NEO1: variants seen among roughly 807,000 people sequenced by gnomAD.
NEO1 encodes neogenin 1.
Under a neutral mutation model 159.7 loss-of-function variants are expected in NEO1, and 63 were observed. The ratio of observed to expected loss-of-function variants is 0.39; its 90% CI spans 0.32 to 0.49. NEO1 has a LOEUF of 0.49. Among genes scored for constraint, NEO1 ranks in the 20% least tolerant of loss-of-function variants. The probability of loss-of-function intolerance (pLI) is 0.85; values close to 1 mark genes in which losing one functional copy is unlikely to be tolerated. For missense variants in NEO1, 1,615 were observed against 1,831.0 expected, an observed-to-expected ratio of 0.88 and a Z score of 2.15; for synonymous variants, 633 against 662.0, an observed-to-expected ratio of 0.96 and a Z score of 0.67.
chr15:73,273,440 T>C (rs1220249340), intron 19 of NEO1, among the ~76,000 whole-genome samples: 1 of 152,222 alleles, frequency 6.6e-6, no homozygotes, highest in Non-Finnish European at 1.5e-5. Flanking sequence ...TGACTTGGAT[T>C]ACATTTTACT....
chr15:73,244,498 G>A lies in NEO1; in HGVS notation c.1606G>A (p.Val536Ile). The change falls in exon 9 of 29, where the codon GTT becomes ATT. Residue 536 changes from valine (V) to isoleucine (I), a missense_variant and splice_region_variant. By Grantham distance (29) the Val-to-Ile change is conservative. Around this residue, in one of 3 missense-constraint regions of NEO1, gnomAD observed 1,018 missense variants for 1,115.4 expected, o/e 0.91. Transcript: ENST00000261908. ...APLRVETQPE[V>I]QLPGPAPNLR... Reference sequence around the variant, plus strand: ...ACTGCGAGTAGAAACACAACCTGAGGGTAAGTCTTCCACCTGTCTGTCAGC... The same window carrying A: ...ACTGCGAGTAGAAACACAACCTGAGAGTAAGTCTTCCACCTGTCTGTCAGC... The A allele has an allele frequency of 6.2e-7, 1 of 1,613,010 alleles. No homozygotes were observed. Among genetic ancestry groups the A allele is most frequent in the Non-Finnish European group, 8.5e-7 (1 of 1,179,386 alleles).
In NEO1 at chr15:73,298,589, C is replaced by T; in HGVS notation, c.4143C>T (p.Ser1381=). The part of the protein sequence containing the change: ...GPPTYDPALP[S]TPLLSQQALN... Reference sequence around the variant, plus strand: ...CCACCTATGATCCTGCATTGCCAAGCACACCATTACTGTCCCAGCAAGGTG... The same window carrying T: ...CCACCTATGATCCTGCATTGCCAAGTACACCATTACTGTCCCAGCAAGGTG... The change falls in exon 27 of 29, where the codon AGC becomes AGT. Residue 1381 remains serine, a synonymous_variant. Coordinates refer to ENST00000261908, the MANE Select transcript of NEO1 (RefSeq NM_002499.4). 3.1e-6 allele frequency: 5 copies of T among 1,614,218 alleles called. No individual in the cohort carries two copies. The South Asian group carries it at 5.5e-5, about 18-fold the overall frequency.
intron 1 of NEO1, among the ~76,000 whole-genome samples, chr15:73,069,752 G>A (rs1488058664): frequency 6.6e-6 from 1 of 151,998 alleles, no homozygotes; most frequent in East Asian, 1.9e-4. Context: ...AGGATAGTAT[G>A]GATTTTATGG....
intron 7 of NEO1, among the ~76,000 whole-genome samples, chr15:73,207,556 T>C (rs998027230): frequency 2.6e-5 from 4 of 152,238 alleles, no homozygotes; most frequent in Non-Finnish European, 5.9e-5. Flanking sequence ...AAGAAAACTC[T>C]TAACTTTTAA....
At chr15:73,059,649 G>C (rs898711005) in intron 1 of NEO1, among the ~76,000 whole-genome samples, 2 of 152,126 alleles carry the variant, frequency 1.3e-5, no homozygotes, top group African/African-American at 4.8e-5. Flanking sequence ...TACTGCTGTA[G>C]GTAGAAAAAT....
intron 5 of NEO1, among the ~76,000 whole-genome samples, chr15:73,166,246 AC>A (rs1442501376): frequency 6.6e-6 from 1 of 152,202 alleles, no homozygotes; most frequent in East Asian, 1.9e-4. Context: ...ACCCTTTTGC[AC>A]TTTTGGTACA....
intron 5 of NEO1, among the ~76,000 whole-genome samples, chr15:73,170,512 A>T (rs1161312752): frequency 1.3e-5 from 2 of 152,226 alleles, no homozygotes; most frequent in African/African-American, 2.4e-5. Flanking sequence ...GTGAAAAAGG[A>T]CTCAGGAGCT....
At chr15:73,125,319 C>T (rs771317313) in intron 3 of NEO1, among the ~76,000 whole-genome samples, 4 of 152,146 alleles carry the variant, frequency 2.6e-5, no homozygotes, top group Non-Finnish European at 5.9e-5. Context: ...TGGTTGATTA[C>T]GGAGGTGGGA....
intron 2 of NEO1, among the ~76,000 whole-genome samples, chr15:73,120,819 A>G (rs1032047782): frequency 3.3e-5 from 5 of 152,170 alleles, no homozygotes; most frequent in Middle Eastern, 3.4e-3. Context: ...TGGCGTCTAT[A>G]TTTATGACGA....
At position 73,095,952 on chromosome 15, in the gene NEO1, C is replaced by G. The variant is rs111565611; in HGVS notation, c.131-20588C>G. On this transcript the variant is annotated intron_variant, in intron 1 of 28. Coordinates refer to ENST00000261908, the MANE Select transcript of NEO1 (RefSeq NM_002499.4). ...CCCTATCAGAGCAGTATGAATTCTGCTAAAATTGAAGCAAGAACAAACGTC... is the reference window on the plus strand; with the variant it reads ...CCCTATCAGAGCAGTATGAATTCTGGTAAAATTGAAGCAAGAACAAACGTC... 5.1e-4 allele frequency among the ~76,000 whole-genome samples: 77 copies of G among 152,192 alleles called. 3 individuals are homozygous for G. The highest frequency in any genetic ancestry group is 1.8e-3 in the African/African-American group (73 of 41,530).
Position 73,288,295 on chromosome 15 carries a change from T to C in NEO1, c.3411-18T>C. ...AAATGAGTTACTTTTTAAAAGCTCC[T>C]CTGAACTTCGTGCCTAGGAAACGAG... On this transcript the variant is annotated intron_variant, in intron 23 of 28. Coordinates refer to ENST00000261908, the MANE Select transcript of NEO1 (RefSeq NM_002499.4). 1 of 1,605,234 alleles carries C rather than the reference T, an allele frequency of 6.2e-7. No individual in the cohort carries two copies. Among genetic ancestry groups the C allele is most frequent in the Non-Finnish European group, 8.5e-7 (1 of 1,172,460 alleles).
At chr15:73,247,482 G>A (rs1418653452) in intron 9 of NEO1, among the ~76,000 whole-genome samples, 1 of 152,194 alleles carries the variant, frequency 6.6e-6, no homozygotes, top group East Asian at 1.9e-4. Flanking sequence ...AGCAGCAGAA[G>A]TGTGACAAAT....
intron 1 of NEO1, among the ~76,000 whole-genome samples, chr15:73,085,352 A>T (rs1016961730): frequency 6.6e-6 from 1 of 152,208 alleles, no homozygotes; most frequent in African/African-American, 2.4e-5. Flanking sequence ...TGAATGTACC[A>T]TAGCTTATCC....
chr15:73,183,862 A>G (rs1351852248), intron 7 of NEO1, among the ~76,000 whole-genome samples: 1 of 152,200 alleles, frequency 6.6e-6, no homozygotes, highest in Non-Finnish European at 1.5e-5. Flanking sequence ...CTATAACAAT[A>G]AAATCCATTC....
intron 7 of NEO1, among the ~76,000 whole-genome samples, chr15:73,229,753 G>C (rs2038803094): frequency 6.6e-6 from 1 of 152,024 alleles, no homozygotes; most frequent in Non-Finnish European, 1.5e-5. Context: ...TATCATGAAT[G>C]GGTGTTTCAT....
chr15:73,067,038 G>A (rs942114946), intron 1 of NEO1, among the ~76,000 whole-genome samples: 1 of 152,158 alleles, frequency 6.6e-6, no homozygotes, highest in African/African-American at 2.4e-5. Context: ...ATTCCTGAAA[G>A]CTGAATTCTC....
At chr15:73,290,315 A>G (rs1387312836) in intron 25 of NEO1, among the ~76,000 whole-genome samples, 2 of 128,254 alleles carry the variant, frequency 1.6e-5, no homozygotes, top group Non-Finnish European at 3.1e-5. Flanking sequence ...ATCTCAGCTC[A>G]CTGCAGCCTC....
At chr15:73,058,299 T>G (rs976994200) in intron 1 of NEO1, among the ~76,000 whole-genome samples, 35 of 152,300 alleles carry the variant, frequency 2.3e-4, no homozygotes, top group African/African-American at 7.2e-4. Flanking sequence ...AGATGACAAT[T>G]TCTTCACATT....
intron 7 of NEO1, among the ~76,000 whole-genome samples, chr15:73,216,497 G>A (rs1240798457): frequency 6.6e-6 from 1 of 152,152 alleles, no homozygotes; most frequent in Non-Finnish European, 1.5e-5. Context: ...AGATCCCTGA[G>A]GAATAGCCAC....
Sources: allele counts gnomAD v4.1 joint callset (sites outside exome capture counted in the v4.1 genomes callset), GRCh38; gene constraint gnomAD v4.1.1; regional missense constraint gnomAD v4.1.1; transcripts MANE v1.5; gene names NCBI Gene and HGNC (gene_info 2026-07-23, HGNC 2026-07-21).